Variants in VPS13A observed in about 807,000 individuals in gnomAD.
VPS13A encodes intermembrane lipid transfer protein VPS13A.
Under a neutral mutation model 390.9 loss-of-function variants are expected in VPS13A, and 264 were observed. The observed-to-expected ratio is 0.68, with a 90% confidence interval of 0.61 to 0.75. VPS13A has a LOEUF of 0.75. VPS13A is among the 30% of genes least tolerant of loss of function. VPS13A has a pLI of 0.00. For missense variants in VPS13A, 3,409 were observed against 3,733.9 expected (o/e 0.91, Z 2.27); for synonymous variants, 1,231 against 1,227.1 (o/e 1.00, Z -0.07).
intron 20 of VPS13A, 65 bp downstream of exon 20, chr9:77,247,460 T>C: frequency 6.7e-7 from 1 of 1,494,904 alleles, no homozygotes; most frequent in East Asian, 2.3e-5. Context: ...TTAAATGTAT[T>C]TTGTTTTTTA....
chr9:77,283,523 G>A, intron 30 of VPS13A, 24 bp from the exon 31 acceptor site: 1 of 1,605,976 alleles, frequency 6.2e-7, no homozygotes, highest in Non-Finnish European at 8.5e-7. Flanking sequence ...GAAAGAAAAG[G>A]CAGTCATTCT....
intron 13 of VPS13A, among the ~76,000 whole-genome samples, chr9:77,224,565 A>C (rs1190395625): frequency 6.6e-6 from 1 of 152,194 alleles, no homozygotes; most frequent in African/African-American, 2.4e-5. Context: ...ATACGAAGAG[A>C]ACTAGAAGTG....
At chr9:77,232,427 A>G (rs185387139) in intron 17 of VPS13A, among the ~76,000 whole-genome samples, 1 of 152,290 alleles carries the variant, frequency 6.6e-6, no homozygotes, top group Non-Finnish European at 1.5e-5. Context: ...TGCTAAATAG[A>G]TGCTTTTTCT....
intron 71 of VPS13A, 120 bp from the exon 72 acceptor site, chr9:77,415,836 G>T: frequency 9.0e-7 from 1 of 1,109,790 alleles, no homozygotes; most frequent in Non-Finnish European, 1.3e-6. Context: ...TTTATGTATT[G>T]GCTGTCAGTA....
At chr9:77,357,570 A>C in intron 55 of VPS13A, 122 bp from the exon 56 acceptor site, 4 of 982,080 alleles carry the variant, frequency 4.1e-6, no homozygotes, top group Non-Finnish European at 6.0e-6. Flanking sequence ...GGATATTAAG[A>C]TCTAAATCTA....
At chr9:77,406,143 GAAAA>G (rs11325886) in intron 70 of VPS13A, among the ~76,000 whole-genome samples, 156 bp downstream of exon 70, 2 of 139,656 alleles carry the variant, frequency 1.4e-5, no homozygotes, top group Admixed American at 1.4e-4. Flanking sequence ...AGGCTTAAAG[GAAAA>G]AAAAAAAAAA....
intron 19 of VPS13A, among the ~76,000 whole-genome samples, chr9:77,244,934 A>G (rs939251674): frequency 3.3e-5 from 5 of 152,204 alleles, no homozygotes; most frequent in African/African-American, 1.2e-4. Context: ...AAGAGCCTTC[A>G]AGGTGATGGT....
Position 77,238,019 on chromosome 9 carries a change from A to G in VPS13A, c.1613A>G (p.Asp538Gly). 2 of 1,610,222 alleles carry G rather than the reference A, an allele frequency of 1.2e-6. No homozygotes were observed. Among genetic ancestry groups the G allele is most frequent in the Non-Finnish European group, 1.7e-6 (2 of 1,177,218 alleles). ...TAATGCAGATTTGAAACTAAAATAG[A>G]TTCATTTCATATTACTGGCTTACCA... ...AQAIKFETKIDSFHITGLPDN... is the reference protein window; with the variant it reads ...AQAIKFETKIGSFHITGLPDN... Residue 538 changes from aspartate (D) to glycine (G), a missense_variant, in exon 18 of 72, where the codon GAT (aspartate) becomes GGT (glycine). Asp to Gly is a moderately conservative substitution (Grantham distance 94). Coordinates refer to ENST00000360280, the MANE Select transcript of VPS13A (RefSeq NM_033305.3).
chr9:77,318,620 G>C (rs749808657), intron 41 of VPS13A, 29 bp downstream of exon 41: 2 of 1,487,810 alleles, frequency 1.3e-6, no homozygotes. Context: ...TTTTATAACA[G>C]ATAATGATAC....
Position 77,340,178 on chromosome 9 carries a change from G to C in VPS13A, c.6775G>C (p.Val2259Leu). The change falls in exon 49 of 72, where the codon GTT becomes CTT. Residue 2259 changes from valine to leucine, a missense_variant and splice_region_variant. By Grantham distance (32) the Val-to-Leu change is conservative. Around this residue, in one of 5 missense-constraint regions of VPS13A, gnomAD observed 2,717 missense variants for 2,917.4 expected, o/e 0.93. Transcript: ENST00000360280. ...QPNHFFNNNK[V>L]QLMVTDSELS... The stretch of plus-strand genomic sequence containing the variant: ...TGTATTTGGAATATTTTTTTCCTAG[G>C]TTCAACTTATGGTAACTGATAGTGA... The C allele has an allele frequency of 3.7e-6, 6 of 1,612,426 alleles. No homozygotes were observed. The highest frequency in any genetic ancestry group is 5.1e-6 in the Non-Finnish European group (6 of 1,179,202).
In VPS13A at chr9:77,370,541, G is replaced by A. The variant is rs1263626270; in HGVS notation, c.8870G>A (p.Arg2957Lys). The A allele has an allele frequency of 3.7e-6, 6 of 1,614,054 alleles. No homozygotes were observed. Among genetic ancestry groups the A allele is most frequent in the East Asian group, 4.5e-5 (2 of 44,872 alleles). Residue 2957 changes from arginine (R) to lysine (K), a missense_variant, in exon 65 of 72, where the codon AGA (arginine) becomes AAA (lysine). Arg to Lys is a conservative substitution (Grantham distance 26). Around this residue, in one of 5 missense-constraint regions of VPS13A, gnomAD observed 318 missense variants for 333.7 expected, o/e 0.95. Coordinates refer to ENST00000360280, the MANE Select transcript of VPS13A (RefSeq NM_033305.3). ...EAMNKQPAGF[R>K]EGITRGGKGL... ...ATGAATAAGCAACCAGCTGGTTTTA[G>A]AGAAGGCATCACTCGTGGAGGAAAA...
At chr9:77,221,395 A>G (rs1200289131) in intron 13 of VPS13A, 39 bp downstream of exon 13, 2 of 1,604,960 alleles carry the variant, frequency 1.2e-6, no homozygotes, top group Non-Finnish European at 1.7e-6. Flanking sequence ...GTTTTATACT[A>G]CATAGCTCCT....
Position 77,207,252 on chromosome 9 carries a change from T to TATATACATAA in VPS13A, c.385+1174_385+1175insTATACATAAA. The stretch of plus-strand genomic sequence containing the variant: ...ATATATATATATATATATATATATA[T>TATATACATAA]AAAACGTGTTATATGTAACATAACA... On this transcript the variant is annotated intron_variant, in intron 5 of 71. Coordinates refer to ENST00000360280, the MANE Select transcript of VPS13A (RefSeq NM_033305.3). Among the ~76,000 whole-genome samples the TATATACATAA allele has an allele frequency of 5.3e-3, 460 of 87,230 alleles. 7 individuals carry two copies. The highest frequency in any genetic ancestry group is 0.018 in the African/African-American group (440 of 24,660). 57.2% of individuals were successfully genotyped at this position (87,230 alleles called of 152,430 possible). A position where few individuals can be genotyped will look rare whatever the true frequency, so the allele number is the denominator to read the frequency against.
chr9:77,383,192 A>G (rs1424782530), intron 68 of VPS13A, among the ~76,000 whole-genome samples: 1 of 152,032 alleles, frequency 6.6e-6, no homozygotes, highest in African/African-American at 2.4e-5. Flanking sequence ...ATATACTTCT[A>G]ACTCTTTCTC....
At chr9:77,309,508 A>T in intron 35 of VPS13A, among the ~76,000 whole-genome samples, 1 of 152,204 alleles carries the variant, frequency 6.6e-6, no homozygotes, top group East Asian at 1.9e-4. Context: ...TAGTACCCAA[A>T]CTATATTTTT....
chr9:77,316,241 A>G lies in VPS13A; in HGVS notation c.4698A>G (p.Val1566=), dbSNP rs1829378480. 1 of 1,613,266 alleles carries G rather than the reference A, an allele frequency of 6.2e-7. No individual in the cohort carries two copies. Among genetic ancestry groups the G allele is most frequent in the Non-Finnish European group, 8.5e-7 (1 of 1,179,402 alleles). The change falls in exon 39 of 72, where the codon GTA becomes GTG. Residue 1566 remains valine, a synonymous_variant. Transcript: ENST00000360280. ...VIIKNPEIVF[V]ADMTKNDAPA... is the part of the protein sequence containing the mutation. ...TTAAAAATCCTGAAATTGTGTTTGTAGCTGACATGACAAAAAATGATGCTC... is the reference window on the plus strand; with the variant it reads ...TTAAAAATCCTGAAATTGTGTTTGTGGCTGACATGACAAAAAATGATGCTC...
intron 21 of VPS13A, among the ~76,000 whole-genome samples, chr9:77,250,658 A>G (rs954438640): frequency 6.6e-6 from 1 of 152,210 alleles, no homozygotes; most frequent in South Asian, 2.1e-4. Flanking sequence ...ACCAGAAGAC[A>G]TTGCTCAGGG....
intron 1 of VPS13A, among the ~76,000 whole-genome samples, chr9:77,183,019 T>C (rs1013956611): frequency 1.3e-5 from 2 of 152,208 alleles, no homozygotes; most frequent in Non-Finnish European, 2.9e-5. Flanking sequence ...AAACAAATGA[T>C]TCTTACAGTC....
Position 77,345,061 on chromosome 9 carries a change from C to T in VPS13A, c.7208C>T (p.Thr2403Ile), listed in dbSNP as rs1192328023. Reference sequence around the variant, plus strand: ...TTGGCCGAGCATTCTACAGTTATTACATTTTTAGATTATCATGATGGAGCA... The same window carrying T: ...TTGGCCGAGCATTCTACAGTTATTATATTTTTAGATTATCATGATGGAGCA... ...VNLAEHSTVI[T>I]FLDYHDGAAT... The change falls in exon 52 of 72, where the codon ACA becomes ATA. Residue 2403 changes from threonine (T) to isoleucine (I), a missense_variant. By Grantham distance (89) the Thr-to-Ile change is moderately conservative. This residue lies in a region of VPS13A where 2,717 missense variants were observed against 2,917.4 expected (regional missense o/e 0.93). Coordinates refer to ENST00000360280, the MANE Select transcript of VPS13A (RefSeq NM_033305.3). 1 of 1,613,126 alleles carries T rather than the reference C, an allele frequency of 6.2e-7. No homozygotes were observed. Among genetic ancestry groups the T allele is most frequent in the African/African-American group, 1.3e-5 (1 of 75,040 alleles).
Sources: allele counts gnomAD v4.1 joint callset (sites outside exome capture counted in the v4.1 genomes callset), GRCh38; gene constraint gnomAD v4.1.1; regional missense constraint gnomAD v4.1.1; transcripts MANE v1.5; gene names NCBI Gene and HGNC (gene_info 2026-07-23, HGNC 2026-07-21).